Variants in MYO16 observed in about 807,000 individuals in gnomAD.
MYO16 encodes myosin XVI.
A neutral mutation model predicts 205.3 loss-of-function variants in MYO16; 94 were observed. The observed-to-expected ratio is 0.46, with a 90% CI of 0.39 to 0.54. The LOEUF (loss-of-function observed/expected upper bound fraction) is 0.54. Among genes scored for constraint, MYO16 ranks in the 20% least tolerant of loss-of-function variants. The pLI, the probability that MYO16 is intolerant of heterozygous loss-of-function variation, is 0.00. For synonymous variants in MYO16, 988 were observed against 954.0 expected, an observed-to-expected ratio of 1.04 and a Z score of -0.66; for missense variants, 2,315 against 2,387.5, an observed-to-expected ratio of 0.97 and a Z score of 0.63.
At chr13:108,931,093 G>GT (rs1387705961) in intron 16 of MYO16, among the ~76,000 whole-genome samples, 4 of 152,120 alleles carry the variant, frequency 2.6e-5, no homozygotes, top group African/African-American at 9.7e-5. Context: ...ACACACTTGT[G>GT]TACACTCACA....
chr13:108,816,145 C>A (rs1252819361), intron 7 of MYO16, among the ~76,000 whole-genome samples: 1 of 151,942 alleles, frequency 6.6e-6, no homozygotes, highest in Non-Finnish European at 1.5e-5. Context: ...TGAAATGTAC[C>A]ACAAATATAA....
At position 109,125,143 on chromosome 13, in the gene MYO16, G is replaced by A; in HGVS notation, c.3567G>A (p.Leu1189=). The A allele has an allele frequency of 6.2e-7, 1 of 1,614,134 alleles. No individual in the cohort carries two copies. Among genetic ancestry groups the A allele is most frequent in the Non-Finnish European group, 8.5e-7 (1 of 1,180,008 alleles). The change falls in exon 30 of 35, where the codon CTG becomes CTA. Residue 1189 remains leucine (L), a synonymous_variant. Transcript: ENST00000457511. The surrounding 1 kb of genome is among the most constrained non-coding windows in gnomAD (Gnocchi z 4.0). ...VIRGFLARQH[L]LQRISIRQQE... ...GAGGATTTTTAGCACGCCAGCACCT[G>A]CTTCAGAGAATAAGCATCAGACAAC... is the stretch of plus-strand genomic sequence containing the variant.
chr13:109,055,976 G>A lies in MYO16; in HGVS notation c.3335+381G>A, dbSNP rs569950672. 1.2e-5 allele frequency: 2 copies of A among 164,848 alleles called. No individual in the cohort carries two copies. The highest frequency in any genetic ancestry group is 4.8e-5 in the African/African-American group (2 of 41,688). 10.2% of individuals were successfully genotyped at this position (164,848 alleles called of 1,614,324 possible). On this transcript the variant is annotated intron_variant, in intron 27 of 34. Transcript: ENST00000457511. The surrounding 1 kb of genome is among the most constrained non-coding windows in gnomAD (Gnocchi z 5.0). ...GAACAAAATATTATTTAGATCAGTG[G>A]TTGGCAAACTACACTCATGGGCCAG... is the stretch of plus-strand genomic sequence containing the variant.
chr13:109,203,122 T>C (rs1035145859), intron 34 of MYO16, among the ~76,000 whole-genome samples: 7 of 152,216 alleles, frequency 4.6e-5, no homozygotes, highest in Admixed American at 4.6e-4. Context: ...AAAACTGTTC[T>C]AGACATTAGC....
At chr13:109,048,153 ATGTGTGTGTGTGTGTGTGTGTGTGTGTG>A (rs34750704) in intron 24 of MYO16, among the ~76,000 whole-genome samples, 2 of 141,084 alleles carry the variant, frequency 1.4e-5, no homozygotes, top group Admixed American at 7.1e-5. Flanking sequence ...TTAATAGGAT[ATGTGTGTGTGTGTGTGTGTGTGTGTGTG>A]TGTGTGTGTG....
chr13:109,018,785 C>T (rs1044994173), intron 22 of MYO16, among the ~76,000 whole-genome samples: 61 of 152,116 alleles, frequency 4.0e-4, no homozygotes, highest in African/African-American at 1.2e-3. Context: ...CTGGGTGATG[C>T]GATGCCCCGC....
At chr13:108,952,623 A>T (rs921579435) in intron 16 of MYO16, among the ~76,000 whole-genome samples, 11 of 152,156 alleles carry the variant, frequency 7.2e-5, no homozygotes, top group Non-Finnish European at 1.5e-4. Context: ...CCTCTATAGC[A>T]CCAATGTTAA....
rs1191169578 is a variant in MYO16 at position 109,042,859 on chromosome 13, A to G, written c.2797-4057A>G. Among the ~76,000 whole-genome samples, 3 of 152,340 alleles carry G rather than the reference A, an allele frequency of 2.0e-5. No individual in the cohort carries two copies. The East Asian group carries it at 5.8e-4, about 29-fold the overall frequency. The stretch of plus-strand genomic sequence containing the variant: ...TCATACAAATGTCCTTTTAGCAATA[A>G]AAAAAGAGTTACTAAACACTATGCT... On this transcript the variant is annotated intron_variant, in intron 23 of 34. Coordinates refer to ENST00000457511, the MANE Select transcript of MYO16 (RefSeq NM_001198950.3).
At position 109,206,695 on chromosome 13, in the gene MYO16, A is replaced by G. The variant is rs1344279652; in HGVS notation, c.5502A>G (p.Gly1834=). ...LDWRRKLCEE[G]QDWQQILHHA... is the part of the protein sequence containing the mutation. Reference sequence around the variant, plus strand: ...GGAGGAGAAAGCTCTGTGAGGAAGGACAAGACTGGCAGCAGATCCTGCACC... The same window carrying G: ...GGAGGAGAAAGCTCTGTGAGGAAGGGCAAGACTGGCAGCAGATCCTGCACC... The change falls in exon 35 of 35, where the codon GGA becomes GGG. Residue 1834 remains glycine, a synonymous_variant. Transcript: ENST00000457511. The G allele has an allele frequency of 3.1e-6, 5 of 1,614,034 alleles. No homozygotes were observed. The highest frequency in any genetic ancestry group is 4.2e-6 in the Non-Finnish European group (5 of 1,180,028).
intron 4 of MYO16, among the ~76,000 whole-genome samples, chr13:108,730,770 T>C (rs1884494974): frequency 6.6e-6 from 1 of 152,170 alleles, no homozygotes. Flanking sequence ...AGAAGTGTTA[T>C]ATTGTTGTCC....
chr13:108,619,503 G>A (rs1037083280), intron 1 of MYO16, among the ~76,000 whole-genome samples: 3 of 152,096 alleles, frequency 2.0e-5, no homozygotes, highest in Admixed American at 6.6e-5. Context: ...TGCCTTGATA[G>A]ATACTCGAGG....
chr13:108,730,096 G>T (rs893797819), intron 4 of MYO16, among the ~76,000 whole-genome samples: 2 of 152,124 alleles, frequency 1.3e-5, no homozygotes, highest in African/African-American at 4.8e-5. Context: ...CATATGATAA[G>T]GTTCGGCCAT....
At chr13:108,583,873 T>C in the MYO16 span, among the ~76,000 whole-genome samples, 3 of 152,214 alleles carry the variant, frequency 2.0e-5, no homozygotes, top group South Asian at 6.2e-4. Flanking sequence ...TAAAACTGTT[T>C]TGAAAAGACA....
chr13:108,629,552 A>C, upstream of MYO16: 12 of 316,952 alleles, frequency 3.8e-5, no homozygotes, highest in East Asian at 1.0e-4. Flanking sequence ...AGAGCTGACT[A>C]TTCCCGGGAT....
intron 12 of MYO16, among the ~76,000 whole-genome samples, chr13:108,870,622 ATTATG>A (rs1053598311): frequency 5.2e-5 from 4 of 77,648 alleles, no homozygotes; most frequent in African/African-American, 1.9e-4. Context: ...TTTTTAAAAA[ATTATG>A]TTATATTTAA....
chr13:108,729,102 A>G (rs1304660800), intron 4 of MYO16, among the ~76,000 whole-genome samples: 1 of 152,072 alleles, frequency 6.6e-6, no homozygotes, highest in East Asian at 1.9e-4. Context: ...TAGCTGAAAT[A>G]TAAATTTTTA....
the MYO16 span, among the ~76,000 whole-genome samples, chr13:108,538,298 AG>A: frequency 6.6e-6 from 1 of 152,142 alleles, no homozygotes; most frequent in East Asian, 1.9e-4. Flanking sequence ...CTGTGCAGAT[AG>A]GAGAAGTAAT....
chr13:108,990,361 G>T (rs1884787956), intron 20 of MYO16, among the ~76,000 whole-genome samples: 1 of 152,092 alleles, frequency 6.6e-6, no homozygotes, highest in African/African-American at 2.4e-5. Context: ...GAAAAATAGT[G>T]ATCAAAACGA....
intron 2 of MYO16, among the ~76,000 whole-genome samples, chr13:108,669,945 G>C (rs1438063167): frequency 1.3e-5 from 2 of 152,136 alleles, no homozygotes; most frequent in African/African-American, 4.8e-5. Context: ...TAACGGGAGG[G>C]AGAGCATTAG....
Sources: gnomAD v4.1 joint callset for allele counts (sites outside exome capture counted in the v4.1 genomes callset) on GRCh38, gnomAD v4.1.1 for gene constraint, Gnocchi (gnomAD v3.1) non-coding constraint, MANE v1.5 for transcripts, NCBI Gene and HGNC (gene_info 2026-07-23, HGNC 2026-07-21) for gene names.